ATL1: variants seen among roughly 807,000 people sequenced by gnomAD.
ATL1 encodes atlastin-1.
A neutral mutation model predicts 75.5 loss-of-function variants in ATL1; 31 were observed. That is an observed-to-expected ratio of 0.41 (90% CI 0.31 to 0.55). The LOEUF (loss-of-function observed/expected upper bound fraction) is 0.55, where lower values mean the gene tolerates loss of function less well. ATL1 is among the 20% of genes least tolerant of loss of function. The pLI is 0.27. For missense variants in ATL1, 405 were observed against 662.6 expected (o/e 0.61, Z 4.27); for synonymous variants, 226 against 233.3 (o/e 0.97, Z 0.28).
chr14:50,552,089 A>T (rs533926528), intron 1 of ATL1, among the ~76,000 whole-genome samples: 1 of 152,314 alleles, frequency 6.6e-6, no homozygotes, highest in South Asian at 2.1e-4. Flanking sequence ...TTCGCCGATG[A>T]TATGATCATG....
chr14:50,591,182 A>T lies in ATL1; in HGVS notation c.417+107A>T, dbSNP rs77231958. 5.3e-4 allele frequency: 624 copies of T among 1,183,266 alleles called. 4 individuals are homozygous for T. In the African/African-American group the frequency reaches 7.9e-3, roughly 15 times the overall value. 73.3% of individuals were successfully genotyped at this position (1,183,266 alleles called of 1,614,324 possible). A position where few individuals can be genotyped will look rare whatever the true frequency, so the allele number is the denominator to read the frequency against. On this transcript the variant is annotated intron_variant, in intron 3 of 13. Coordinates refer to ENST00000358385, the MANE Select transcript of ATL1 (RefSeq NM_015915.5). ...TGAAAATTAATTTTGACCATTTGAC[A>T]TGAAGCTTAAAGTGGGGTAGCATCC...
intron 8 of ATL1, 71 bp downstream of exon 8, chr14:50,614,582 C>A: frequency 1.3e-6 from 2 of 1,510,818 alleles, no homozygotes; most frequent in South Asian, 1.2e-5. Flanking sequence ...ATCTATTGGG[C>A]TTATGGCTGA....
chr14:50,594,107 G>A (rs1376185933), intron 5 of ATL1, among the ~76,000 whole-genome samples: 1 of 152,214 alleles, frequency 6.6e-6, no homozygotes, highest in East Asian at 1.9e-4. Context: ...CAGCATGGCT[G>A]GAAAGGCCTC....
intron 1 of ATL1, among the ~76,000 whole-genome samples, chr14:50,565,707 A>G (rs2038897104): frequency 6.6e-6 from 1 of 152,094 alleles, no homozygotes; most frequent in Non-Finnish European, 1.5e-5. Context: ...TGCAGACTTT[A>G]TTATCTTTAG....
chr14:50,616,289 G>A (rs1008123210), intron 8 of ATL1, among the ~76,000 whole-genome samples: 2 of 151,708 alleles, frequency 1.3e-5, no homozygotes, highest in African/African-American at 2.4e-5. Flanking sequence ...GTGAGCCACT[G>A]CACCCAGGCA....
At chr14:50,543,196 T>C (rs114764272) in intron 1 of ATL1, among the ~76,000 whole-genome samples, 8 of 152,354 alleles carry the variant, frequency 5.3e-5, no homozygotes, top group African/African-American at 1.9e-4. Flanking sequence ...GATTCAACAA[T>C]GTAGACTTCT....
chr14:50,631,748 G>C (rs2140242499), intron 13 of ATL1, among the ~76,000 whole-genome samples: 1 of 152,302 alleles, frequency 6.6e-6, no homozygotes, highest in South Asian at 2.1e-4. Context: ...CTGGGGGAAG[G>C]ACACCATATG....
At position 50,569,299 on chromosome 14, in the gene ATL1, G is replaced by T. The variant is rs372873437; in HGVS notation, c.34+9000G>T. Among the ~76,000 whole-genome samples, 33 of 152,198 alleles carry T rather than the reference G, an allele frequency of 2.2e-4. No homozygotes were observed. In the South Asian group the frequency reaches 5.8e-3, roughly 27 times the overall value. On this transcript the variant is annotated intron_variant, in intron 1 of 13. Coordinates refer to ENST00000358385, the MANE Select transcript of ATL1 (RefSeq NM_015915.5). Reference sequence around the variant, plus strand: ...CACTTGGGCCCAGGAAGTTGAGGCTGCATTGAGCCATGATCATGCCACTGC... The same window carrying T: ...CACTTGGGCCCAGGAAGTTGAGGCTTCATTGAGCCATGATCATGCCACTGC...
At chr14:50,544,738 A>G (rs1297724682) in intron 1 of ATL1, among the ~76,000 whole-genome samples, 2 of 152,036 alleles carry the variant, frequency 1.3e-5, no homozygotes, top group Non-Finnish European at 2.9e-5. Context: ...GTTTGAGACC[A>G]GCCTGGGGAA....
chr14:50,575,408 C>G (rs2038996892), intron 1 of ATL1, among the ~76,000 whole-genome samples: 1 of 152,102 alleles, frequency 6.6e-6, no homozygotes, highest in Admixed American at 6.6e-5. Flanking sequence ...GTTTTGAGAT[C>G]TATTACATAT....
intron 1 of ATL1, among the ~76,000 whole-genome samples, chr14:50,583,994 A>G (rs1391468575): frequency 6.6e-6 from 1 of 152,222 alleles, no homozygotes; most frequent in Non-Finnish European, 1.5e-5. Flanking sequence ...TGTTTCTCAT[A>G]TTTAAAAAAG....
chr14:50,542,223 T>C (rs1175653889), intron 1 of ATL1, among the ~76,000 whole-genome samples: 1 of 135,566 alleles, frequency 7.4e-6, no homozygotes, highest in Admixed American at 8.6e-5. Context: ...TAAGTGAGAG[T>C]TGAACAATGA....
chr14:50,538,015 G>C (rs1468321595), intron 1 of ATL1, among the ~76,000 whole-genome samples: 1 of 152,146 alleles, frequency 6.6e-6, no homozygotes, highest in African/African-American at 2.4e-5. Context: ...ATGAGATTTG[G>C]GAGGGGCCGG....
intron 11 of ATL1, among the ~76,000 whole-genome samples, chr14:50,626,352 A>G (rs1194858154): frequency 6.6e-6 from 1 of 152,228 alleles, no homozygotes; most frequent in Non-Finnish European, 1.5e-5. Flanking sequence ...CAAAAATATC[A>G]ACAAGAATGT....
intron 1 of ATL1, among the ~76,000 whole-genome samples, chr14:50,566,999 T>C (rs1229853354): frequency 6.6e-6 from 1 of 152,218 alleles, no homozygotes; most frequent in African/African-American, 2.4e-5. Context: ...ATCATAACCA[T>C]TTTTAAATGT....
intron 1 of ATL1, among the ~76,000 whole-genome samples, chr14:50,574,289 A>G (rs1026139207): frequency 6.6e-5 from 10 of 152,296 alleles, no homozygotes; most frequent in Middle Eastern, 3.4e-3. Context: ...TCTTTCTGTT[A>G]GAAGGCAATA....
intron 6 of ATL1, among the ~76,000 whole-genome samples, chr14:50,612,820 G>A (rs765657358): frequency 2.6e-5 from 4 of 151,980 alleles, no homozygotes; most frequent in Non-Finnish European, 4.4e-5. Flanking sequence ...TTTATGATGC[G>A]CATACATACA....
intron 6 of ATL1, among the ~76,000 whole-genome samples, chr14:50,598,982 A>G (rs1254627041): frequency 6.6e-6 from 1 of 152,252 alleles, no homozygotes; most frequent in Non-Finnish European, 1.5e-5. Flanking sequence ...AGTTAAAACT[A>G]TAAAGCTAAT....
chr14:50,627,106 G>T (rs1051620157), intron 11 of ATL1, among the ~76,000 whole-genome samples: 3 of 152,214 alleles, frequency 2.0e-5, no homozygotes, highest in African/African-American at 7.2e-5. Flanking sequence ...CATATTTTAA[G>T]AAATTGCCAC....
Sources: allele counts gnomAD v4.1 joint callset (sites outside exome capture counted in the v4.1 genomes callset), GRCh38; gene constraint gnomAD v4.1.1; transcripts MANE v1.5; gene names NCBI Gene and HGNC (gene_info 2026-07-23, HGNC 2026-07-21).